RARB: variants seen among roughly 807,000 people sequenced by gnomAD.
The protein encoded by RARB is HBV-activated protein.
RARB carries 17 observed loss-of-function variants against 51.9 expected under a neutral mutation model. The ratio of observed to expected loss-of-function variants is 0.33; its 90% CI spans 0.22 to 0.49. The LOEUF is 0.49. RARB is among the 20% of genes least tolerant of loss of function. RARB has a pLI of 0.99. For missense variants in RARB, 369 were observed against 550.8 expected, an observed-to-expected ratio of 0.67 and a Z score of 3.30; for synonymous variants, 215 against 195.4, an observed-to-expected ratio of 1.10 and a Z score of -0.84.
intron 2 of RARB, among the ~76,000 whole-genome samples, chr3:24,881,527 C>G (rs375688824): frequency 2.0e-5 from 3 of 152,114 alleles, no homozygotes; most frequent in Non-Finnish European, 2.9e-5. Flanking sequence ...TTGCATATTA[C>G]GACATTTCAA....
chr3:25,525,533 T>C (rs1698610002), intron 3 of RARB, among the ~76,000 whole-genome samples: 1 of 150,534 alleles, frequency 6.6e-6, no homozygotes, highest in Non-Finnish European at 1.5e-5. Flanking sequence ...TTCACATATT[T>C]TCTGAGCACT....
chr3:25,086,119 C>A (rs1484835131), intron 3 of RARB, among the ~76,000 whole-genome samples: 1 of 152,112 alleles, frequency 6.6e-6, no homozygotes, highest in Admixed American at 6.6e-5. Flanking sequence ...GAGGTTCAGT[C>A]AACTATTAAT....
At chr3:25,157,761 C>T (rs1173527792) in intron 4 of RARB, among the ~76,000 whole-genome samples, 1 of 152,162 alleles carries the variant, frequency 6.6e-6, no homozygotes, top group African/African-American at 2.4e-5. Context: ...CTGTTATTTT[C>T]TCATTTTTTA....
intron 2 of RARB, among the ~76,000 whole-genome samples, chr3:24,896,362 C>T (rs979689879): frequency 2.6e-5 from 4 of 152,202 alleles, no homozygotes; most frequent in East Asian, 1.9e-4. Flanking sequence ...CAGGTTCAAG[C>T]GATCCTCCTG....
intron 3 of RARB, among the ~76,000 whole-genome samples, chr3:25,554,606 C>A (rs963860415): frequency 1.3e-5 from 2 of 152,178 alleles, no homozygotes; most frequent in African/African-American, 2.4e-5. Context: ...CAGTGAGGAA[C>A]CACGTCTGCC....
rs149327577 is a variant in RARB at position 25,165,286 on chromosome 3, G to T, written c.-279-8833G>T. ...TCTCTCTCATGTCTCTTGTTTACAC[G>T]TGGTTTCTGTAGTCTCATGGCTTCT... On this transcript the variant is annotated intron_variant, in intron 4 of 11. Transcript: ENST00000383772. Among the ~76,000 whole-genome samples the T allele has an allele frequency of 2.4e-4, 36 of 152,110 alleles. No homozygotes were observed. In the East Asian group the frequency reaches 6.4e-3, roughly 27 times the overall value.
At chr3:25,201,840 T>C (rs1701398630) in intron 5 of RARB, among the ~76,000 whole-genome samples, 2 of 152,200 alleles carry the variant, frequency 1.3e-5, no homozygotes, top group Admixed American at 1.3e-4. Flanking sequence ...TGCCAGTATT[T>C]TACTGAGGAT....
intron 2 of RARB, among the ~76,000 whole-genome samples, chr3:24,886,674 G>A (rs115233988): frequency 6.6e-6 from 1 of 152,038 alleles, no homozygotes; most frequent in African/African-American, 2.4e-5. Context: ...ACTCCTGAGA[G>A]TGAGTGATTT....
intron 3 of RARB, chr3:25,555,426 C>T (rs976986205): frequency 1.3e-4 from 20 of 152,154 alleles, no homozygotes; most frequent in African/African-American, 4.8e-4. Context: ...TCATCTGCCT[C>T]CCCCAAGAAG....
At chr3:25,187,672 C>A (rs1439844024) in intron 5 of RARB, among the ~76,000 whole-genome samples, 3 of 151,814 alleles carry the variant, frequency 2.0e-5, no homozygotes, top group African/African-American at 4.8e-5. Context: ...TTTGTTGTGA[C>A]GAGGCACAGA....
chr3:25,556,455 A>G (rs1387747549), intron 3 of RARB, among the ~76,000 whole-genome samples: 3 of 152,182 alleles, frequency 2.0e-5, no homozygotes, highest in Non-Finnish European at 4.4e-5. Flanking sequence ...GGCCAAGTAG[A>G]AAAATTTTCT....
chr3:25,035,059 C>T (rs981311769), intron 2 of RARB, among the ~76,000 whole-genome samples: 3 of 152,132 alleles, frequency 2.0e-5, no homozygotes, highest in East Asian at 3.9e-4. Flanking sequence ...AGGTTAGGAT[C>T]GTAATGAAAA....
At chr3:25,206,834 A>G (rs1350574487) in intron 5 of RARB, among the ~76,000 whole-genome samples, 1 of 152,166 alleles carries the variant, frequency 6.6e-6, no homozygotes, top group Non-Finnish European at 1.5e-5. Flanking sequence ...CATGTTCACC[A>G]CTTACACCTA....
intron 5 of RARB, among the ~76,000 whole-genome samples, chr3:25,338,412 G>A (rs946271282): frequency 2.0e-5 from 3 of 152,162 alleles, no homozygotes; most frequent in African/African-American, 7.2e-5. Context: ...AATTGAATGG[G>A]TGAAGAGAAA....
At chr3:25,337,997 A>G (rs1243539587) in intron 5 of RARB, among the ~76,000 whole-genome samples, 7 of 152,116 alleles carry the variant, frequency 4.6e-5, no homozygotes, top group African/African-American at 1.7e-4. Context: ...ATCTCTACAA[A>G]CATTCAACAC....
At chr3:25,108,264 A>C (rs1699542974) in intron 3 of RARB, among the ~76,000 whole-genome samples, 1 of 152,204 alleles carries the variant, frequency 6.6e-6, no homozygotes, top group South Asian at 2.1e-4. Flanking sequence ...TGGGAAAAAA[A>C]TCATGGATAA....
chr3:24,992,157 A>C (rs1696926872), intron 2 of RARB, among the ~76,000 whole-genome samples: 1 of 152,156 alleles, frequency 6.6e-6, no homozygotes, highest in Non-Finnish European at 1.5e-5. Context: ...CTGTCACATC[A>C]TATATTTATA....
At chr3:24,931,935 T>A (rs1695450299) in intron 2 of RARB, among the ~76,000 whole-genome samples, 1 of 152,110 alleles carries the variant, frequency 6.6e-6, no homozygotes, top group Non-Finnish European at 1.5e-5. Context: ...CTATGCAGCC[T>A]GTTTCCAGAC....
chr3:25,163,504 A>AAAAAAAAAAAAAAATATAT (rs1303712411), intron 4 of RARB, among the ~76,000 whole-genome samples: 5 of 131,126 alleles, frequency 3.8e-5, no homozygotes, highest in African/African-American at 1.3e-4. Flanking sequence ...CCTATCTCAA[A>AAAAAAAAAAAAAAATATAT]ATATATATAT....
Sources: gnomAD v4.1 joint callset for allele counts (sites outside exome capture counted in the v4.1 genomes callset) on GRCh38, gnomAD v4.1.1 for gene constraint, MANE v1.5 for transcripts, NCBI Gene and HGNC (gene_info 2026-07-23, HGNC 2026-07-21) for gene names.